The following ATP2C1 variants were observed in gnomAD, a reference collection of about 807,000 sequenced individuals.
ATP2C1 encodes the protein calcium-transporting ATPase type 2C member 1.
ATP2C1 carries 31 observed loss-of-function variants against 120.5 expected under a neutral mutation model. The observed-to-expected ratio is 0.26, with a 90% CI of 0.19 to 0.35. The LOEUF (loss-of-function observed/expected upper bound fraction) is 0.35, where lower values mean the gene tolerates loss of function less well. Among genes scored for constraint, ATP2C1 ranks in the 10% least tolerant of loss-of-function variants. ATP2C1 has a pLI of 1.00. For missense variants in ATP2C1, 731 were observed against 1,107.5 expected, an observed-to-expected ratio of 0.66 and a Z score of 4.83; for synonymous variants, 351 against 358.7, an observed-to-expected ratio of 0.98 and a Z score of 0.24.
At chr3:130,867,507 G>C (rs1338955114) in intron 1 of ATP2C1, among the ~76,000 whole-genome samples, 33 of 138,782 alleles carry the variant, frequency 2.4e-4, no homozygotes, top group South Asian at 7.3e-4. Flanking sequence ...GGCCGGGCTG[G>C]TCTCCAGCTC....
rs2062964790 is a variant in ATP2C1, at chr3:131,003,027, G to GTAT, written c.*1680_*1682dup. 1.0e-6 allele frequency: 1 copy of GTAT among 985,504 alleles called. No individual in the cohort carries two copies. Among genetic ancestry groups the GTAT allele is most frequent in the East Asian group, 1.1e-4 (1 of 8,830 alleles). 61.0% of individuals were successfully genotyped at this position (985,504 alleles called of 1,614,324 possible). A position where few individuals can be genotyped will look rare whatever the true frequency, so the allele number is the denominator to read the frequency against. On this transcript the variant is annotated 3_prime_UTR_variant, in exon 28 of 28. Coordinates refer to ENST00000510168, the MANE Select transcript of ATP2C1 (RefSeq NM_001378687.1). ...TCTCTGTTACAAAGACTTGAAATAC[G>GTAT]TATTAAATGCACGTTAATGTTTTGC...
chr3:130,864,191 A>T (rs2068098649), intron 1 of ATP2C1, among the ~76,000 whole-genome samples: 1 of 152,198 alleles, frequency 6.6e-6, no homozygotes, highest in Non-Finnish European at 1.5e-5. Context: ...ACTTGTTGAG[A>T]ACCGGAGTGA....
intron 1 of ATP2C1, among the ~76,000 whole-genome samples, chr3:130,877,044 A>G (rs1320296315): frequency 6.6e-6 from 1 of 152,190 alleles, no homozygotes; most frequent in African/African-American, 2.4e-5. Flanking sequence ...AGATCATGTT[A>G]TCTGCAAACA....
At chr3:130,974,882 G>C (rs942625733) in intron 17 of ATP2C1, among the ~76,000 whole-genome samples, 4 of 152,080 alleles carry the variant, frequency 2.6e-5, no homozygotes, top group Admixed American at 2.6e-4. Flanking sequence ...AGCTTTTGAA[G>C]ATTATTTACC....
chr3:130,963,421 A>G (rs944840376), intron 12 of ATP2C1: 1 of 157,750 alleles, frequency 6.3e-6, no homozygotes, highest in Non-Finnish European at 1.4e-5. Context: ...GACCTTTTGT[A>G]TCTGTCTTTT....
intron 6 of ATP2C1, 138 bp downstream of exon 6, chr3:130,937,601 C>T: frequency 1.3e-6 from 1 of 746,078 alleles, no homozygotes; most frequent in African/African-American, 1.7e-5. Context: ...CAAGTAATTT[C>T]AGATACAGAC....
At chr3:130,923,413 A>G (rs780780648) in intron 2 of ATP2C1, among the ~76,000 whole-genome samples, 26 of 151,848 alleles carry the variant, frequency 1.7e-4, no homozygotes, top group Non-Finnish European at 3.4e-4. Context: ...TTTTTAGTAG[A>G]AACGAGTTTT....
intron 1 of ATP2C1, among the ~76,000 whole-genome samples, chr3:130,876,242 A>G (rs2068599483): frequency 6.6e-6 from 1 of 151,982 alleles, no homozygotes; most frequent in African/African-American, 2.4e-5. Context: ...TTCTTCTAGT[A>G]GTTTTAGGGC....
At position 130,940,841 on chromosome 3, in the gene ATP2C1, A is replaced by G. The variant is rs374347344; in HGVS notation, c.422+150A>G. On this transcript the variant is annotated intron_variant, in intron 7 of 27. Coordinates refer to ENST00000510168, the MANE Select transcript of ATP2C1 (RefSeq NM_001378687.1). ...AAAAAGTTCCTGGTCTCATTAATGTAGCAAAACTGTACCATTGAAAACTTT... is the reference window on the plus strand; with the variant it reads ...AAAAAGTTCCTGGTCTCATTAATGTGGCAAAACTGTACCATTGAAAACTTT... 1.8e-4 allele frequency: 114 copies of G among 645,898 alleles called. No homozygotes were observed. In the African/African-American group the frequency reaches 1.8e-3, roughly 10 times the overall value. The allele number at this position is 645,898 out of a possible 1,614,324, so 40.0% of individuals were successfully genotyped here.
chr3:130,867,268 C>T (rs1304770834), intron 1 of ATP2C1, among the ~76,000 whole-genome samples: 1 of 151,952 alleles, frequency 6.6e-6, no homozygotes, highest in African/African-American at 2.4e-5. Context: ...ATACATTCCT[C>T]TCTTTAAATC....
chr3:130,972,573 T>C (rs571676141), intron 17 of ATP2C1, among the ~76,000 whole-genome samples: 13 of 150,204 alleles, frequency 8.7e-5, no homozygotes, highest in South Asian at 6.5e-4. Flanking sequence ...GCTGCACCCA[T>C]TAACTCATCA....
At chr3:130,971,500 C>A (rs1559992899) in intron 17 of ATP2C1, among the ~76,000 whole-genome samples, 1 of 152,120 alleles carries the variant, frequency 6.6e-6, no homozygotes, top group Non-Finnish European at 1.5e-5. Context: ...TTCAGTGGCT[C>A]AGATAGTTTG....
At chr3:130,980,990 A>G (rs2061732215) in intron 20 of ATP2C1, among the ~76,000 whole-genome samples, 1 of 152,208 alleles carries the variant, frequency 6.6e-6, no homozygotes, top group Admixed American at 6.5e-5. Flanking sequence ...GAGATCATTG[A>G]TTTATACTTC....
intron 2 of ATP2C1, among the ~76,000 whole-genome samples, chr3:130,900,799 G>A (rs906248841): frequency 7.9e-5 from 12 of 152,090 alleles, no homozygotes; most frequent in Non-Finnish European, 1.8e-4. Context: ...ATCTTAAATC[G>A]GAGCCTTTTT....
At chr3:130,929,679 G>A (rs2059371493) in intron 2 of ATP2C1, among the ~76,000 whole-genome samples, 1 of 152,166 alleles carries the variant, frequency 6.6e-6, no homozygotes. Flanking sequence ...TCTCAGCTTA[G>A]GACTCAAAAC....
chr3:130,927,589 T>C (rs1459000782), intron 2 of ATP2C1, among the ~76,000 whole-genome samples: 2 of 152,124 alleles, frequency 1.3e-5, no homozygotes, highest in African/African-American at 4.8e-5. Context: ...TGGGGAAAGA[T>C]GAAGGATTGA....
intron 1 of ATP2C1, among the ~76,000 whole-genome samples, chr3:130,851,312 G>T (rs1409284567): frequency 6.6e-6 from 1 of 152,138 alleles, no homozygotes; most frequent in African/African-American, 2.4e-5. Flanking sequence ...TGTATTTATG[G>T]TTATGTTTAC....
Position 131,001,592 on chromosome 3 carries a change from A to G in ATP2C1, c.*242A>G. 1.7e-6 allele frequency: 2 copies of G among 1,186,632 alleles called. No individual in the cohort carries two copies. Among genetic ancestry groups the G allele is most frequent in the Non-Finnish European group, 2.1e-6 (2 of 952,350 alleles). The allele number at this position is 1,186,632 out of a possible 1,614,324, so 73.5% of individuals were successfully genotyped here. On this transcript the variant is annotated 3_prime_UTR_variant, in exon 28 of 28. Coordinates refer to ENST00000510168, the MANE Select transcript of ATP2C1 (RefSeq NM_001378687.1). ...GTGATTGAGTGAAACTTTATAAAGC[A>G]TATGGTCAGTTATTTAATTAAAAAG... is the stretch of plus-strand genomic sequence containing the variant.
In ATP2C1 at chr3:130,990,412, G is replaced by A. The variant is rs112559337; in HGVS notation, c.1840-2539G>A. ...GACCCATGTTATATCCGAGGAAAGA[G>A]CATTCCAGACAAGGGCAGAGGCTGG... On this transcript the variant is annotated intron_variant, in intron 20 of 27. Transcript: ENST00000510168. Among the ~76,000 whole-genome samples, 815 of 152,172 alleles carry A rather than the reference G, an allele frequency of 5.4e-3. 12 individuals carry two copies. Among genetic ancestry groups the A allele is most frequent in the African/African-American group, 0.019 (778 of 41,508 alleles).
Sources: allele counts gnomAD v4.1 joint callset (sites outside exome capture counted in the v4.1 genomes callset), GRCh38; gene constraint gnomAD v4.1.1; transcripts MANE v1.5; gene names NCBI Gene and HGNC (gene_info 2026-07-23, HGNC 2026-07-21).